The following MYBPHL variants were observed in gnomAD, a reference collection of about 807,000 sequenced individuals.
The protein encoded by MYBPHL is myosin binding protein H like, also known as myosin-binding protein H-like.
MYBPHL carries 32 observed loss-of-function variants against 39.5 expected under a neutral mutation model. The ratio of observed to expected loss-of-function variants is 0.81; its 90% CI spans 0.61 to 1.09. The LOEUF (loss-of-function observed/expected upper bound fraction) is 1.09, where lower values mean the gene tolerates loss of function less well. Ranked by LOEUF, MYBPHL falls within the 50% of genes least tolerant of loss-of-function variation. MYBPHL has a pLI of 0.00. For synonymous variants in MYBPHL, 196 were observed against 183.7 expected (o/e 1.07, Z -0.54); for missense variants, 456 against 460.2 (o/e 0.99, Z 0.08).
intron 6 of MYBPHL, among the ~76,000 whole-genome samples, chr1:109,295,815 A>G (rs1570845894): frequency 1.3e-5 from 2 of 152,198 alleles, no homozygotes; most frequent in South Asian, 2.1e-4. Context: ...GTGGAGCATG[A>G]TGACTAGATT....
chr1:109,301,144 G>A (rs1037733008), intron 1 of MYBPHL, among the ~76,000 whole-genome samples: 5 of 152,164 alleles, frequency 3.3e-5, no homozygotes, highest in African/African-American at 1.2e-4. Flanking sequence ...TCACACATCC[G>A]CAGTCAAGCG....
chr1:109,297,168 C>G lies in MYBPHL; in HGVS notation c.452G>C (p.Ser151Thr). 6.2e-7 allele frequency: 1 copy of G among 1,614,216 alleles called. No individual in the cohort carries two copies. Residue 151 changes from serine to threonine, a missense_variant, in exon 4 of 9, where the codon AGT (serine) becomes ACT (threonine). Transcript: ENST00000357155. ...GCCCCAAACGTCCACCAGCTTAATA[C>G]TCTGAGGAGGGCCTGGCCTCTCTGA... ...LVIERPGPPQ[S>T]IKLVDVWGFS...
At chr1:109,296,988 G>A (rs1388758118) in intron 4 of MYBPHL, 46 bp from the exon 5 acceptor site, 11 of 1,613,928 alleles carry the variant, frequency 6.8e-6, no homozygotes, top group Non-Finnish European at 9.3e-6. Flanking sequence ...CCCATGTGGA[G>A]CTACCAGAGG....
At chr1:109,294,024 A>G (rs974951092) in intron 8 of MYBPHL, among the ~76,000 whole-genome samples, 182 bp downstream of exon 8, 7 of 152,208 alleles carry the variant, frequency 4.6e-5, no homozygotes, top group Non-Finnish European at 1.0e-4. Context: ...AGATGGCGCC[A>G]CTGCACTCTA....
chr1:109,302,637 C>G (rs1248905734), intron 1 of MYBPHL, among the ~76,000 whole-genome samples: 4 of 152,172 alleles, frequency 2.6e-5, no homozygotes, highest in Admixed American at 1.3e-4. Flanking sequence ...CCCGTAGGGT[C>G]TCTCACATCT....
chr1:109,297,399 A>G (rs778141516), intron 3 of MYBPHL, 23 bp downstream of exon 3: 2 of 1,599,170 alleles, frequency 1.3e-6, no homozygotes, highest in Non-Finnish European at 1.7e-6. Context: ...GGACCCCCCC[A>G]TCTCCCACTT....
chr1:109,297,653 G>A, intron 2 of MYBPHL, 36 bp from the exon 3 acceptor site: 1 of 1,574,826 alleles, frequency 6.3e-7, no homozygotes, highest in East Asian at 2.3e-5. Context: ...GCAGCCCCGA[G>A]AGGCTTCCTG....
intron 1 of MYBPHL, among the ~76,000 whole-genome samples, chr1:109,300,430 A>C (rs1429031052): frequency 6.6e-6 from 1 of 152,182 alleles, no homozygotes; most frequent in Non-Finnish European, 1.5e-5. Context: ...AAGAACTGCA[A>C]AGGGTTGAGG....
At chr1:109,297,010 A>C in intron 4 of MYBPHL, 40 bp downstream of exon 4, 1 of 1,613,930 alleles carries the variant, frequency 6.2e-7, no homozygotes, top group South Asian at 1.1e-5. Context: ...CTGTCCCAAC[A>C]TGCCCTCTTC....
intron 1 of MYBPHL, 56 bp downstream of exon 1, chr1:109,306,791 T>C: frequency 6.8e-7 from 1 of 1,463,012 alleles, no homozygotes; most frequent in Non-Finnish European, 9.1e-7. Flanking sequence ...GGTGGCGATG[T>C]CTTCCCCAAC....
chr1:109,297,414 C>T lies in MYBPHL; in HGVS notation c.430+8G>A, dbSNP rs769978268. On this transcript the variant is annotated splice_region_variant and intron_variant, in intron 3 of 8. Coordinates refer to ENST00000357155, the MANE Select transcript of MYBPHL (RefSeq NM_001010985.3). Reference sequence around the variant, plus strand: ...GGACCCCCCCATCTCCCACTTCCCCCACCGTACCAATCACCAGGATGTCAA... The same window carrying T: ...GGACCCCCCCATCTCCCACTTCCCCTACCGTACCAATCACCAGGATGTCAA... 17 of 1,609,612 alleles carry T rather than the reference C, an allele frequency of 1.1e-5. No homozygotes were observed. The Middle Eastern group carries it at 8.3e-4, about 78-fold the overall frequency.
intron 7 of MYBPHL, 96 bp downstream of exon 7, chr1:109,295,015 T>C: frequency 1.6e-6 from 2 of 1,251,338 alleles, no homozygotes; most frequent in Non-Finnish European, 1.1e-6. Context: ...GAACCCCTTC[T>C]CCCCCTAGGC....
chr1:109,298,981 G>C (rs748403831), intron 1 of MYBPHL, among the ~76,000 whole-genome samples: 1 of 152,210 alleles, frequency 6.6e-6, no homozygotes, highest in Non-Finnish European at 1.5e-5. Flanking sequence ...ATGTGTATGG[G>C]CTTCCAGGAT....
chr1:109,299,733 G>A (rs1050543714), intron 1 of MYBPHL, among the ~76,000 whole-genome samples: 3 of 152,232 alleles, frequency 2.0e-5, no homozygotes, highest in African/African-American at 7.2e-5. Context: ...GACTTGATGG[G>A]CCTGAGTGCC....
chr1:109,293,515 G>T (rs183246827), intron 8 of MYBPHL, among the ~76,000 whole-genome samples: 1 of 152,074 alleles, frequency 6.6e-6, no homozygotes. Flanking sequence ...AGGCCAAGGC[G>T]GGTGGATCAT....
intron 1 of MYBPHL, among the ~76,000 whole-genome samples, chr1:109,299,752 C>T (rs1258468407): frequency 1.3e-5 from 2 of 152,240 alleles, no homozygotes; most frequent in Non-Finnish European, 2.9e-5. Flanking sequence ...CCCGTCCTCC[C>T]TGCCCTGCTC....
intron 1 of MYBPHL, among the ~76,000 whole-genome samples, chr1:109,302,451 G>A (rs148605709): frequency 0.012 from 1,809 of 152,112 alleles, 25 homozygotes; most frequent in Admixed American, 0.024. Flanking sequence ...AAGGACATAG[G>A]AACAGGCAAC....
intron 1 of MYBPHL, among the ~76,000 whole-genome samples, chr1:109,305,987 T>C (rs895129366): frequency 6.6e-6 from 1 of 152,228 alleles, no homozygotes; most frequent in Non-Finnish European, 1.5e-5. Flanking sequence ...CAGTGACTTG[T>C]CCAAGGTCAC....
At chr1:109,295,524 T>C (rs1658030532) in intron 6 of MYBPHL, among the ~76,000 whole-genome samples, 1 of 152,212 alleles carries the variant, frequency 6.6e-6, no homozygotes. Flanking sequence ...TCTTTACCAA[T>C]ATTTCTGACT....
Sources: allele counts gnomAD v4.1 joint callset (sites outside exome capture counted in the v4.1 genomes callset), GRCh38; gene constraint gnomAD v4.1.1; transcripts MANE v1.5; gene names NCBI Gene and HGNC (gene_info 2026-07-23, HGNC 2026-07-21).